MACROD2: variants seen among roughly 807,000 people sequenced by gnomAD.
The protein encoded by MACROD2 is mono-ADP ribosylhydrolase 2.
MACROD2 carries 36 observed loss-of-function variants against 70.4 expected under a neutral mutation model. That is an observed-to-expected ratio of 0.51 (90% CI 0.39 to 0.68). The LOEUF is 0.68. MACROD2 is among the 30% of genes least tolerant of loss of function. The pLI, the probability that MACROD2 is intolerant of heterozygous loss-of-function variation, is 0.00. For synonymous variants in MACROD2, 172 were observed against 178.8 expected, an observed-to-expected ratio of 0.96 and a Z score of 0.30; for missense variants, 496 against 538.4, an observed-to-expected ratio of 0.92 and a Z score of 0.78.
Position 14,750,739 on chromosome 20 carries a change from G to A in MACROD2, c.418+65780G>A, listed in dbSNP as rs561076400. Reference sequence around the variant, plus strand: ...CCTCCCAAATGCTGGGATTACGAGTGTGAGCCACCATGCCTGGCCGTAACC... The same window carrying A: ...CCTCCCAAATGCTGGGATTACGAGTATGAGCCACCATGCCTGGCCGTAACC... On this transcript the variant is annotated intron_variant, in intron 5 of 17. Coordinates refer to ENST00000684519, the MANE Select transcript of MACROD2 (RefSeq NM_001351661.2). Among the ~76,000 whole-genome samples the A allele has an allele frequency of 2.6e-5, 4 of 152,104 alleles. No homozygotes were observed. The East Asian group carries it at 5.8e-4, about 22-fold the overall frequency.
Position 14,516,478 on chromosome 20 carries a change from A to G in MACROD2, c.301+22970A>G, listed in dbSNP as rs540474618. On this transcript the variant is annotated intron_variant, in intron 4 of 17. Transcript: ENST00000684519. The stretch of plus-strand genomic sequence containing the variant: ...TAATCCATCTTGAGTTAATTTTTGT[A>G]TAAGGTGTAAGGAAGAGGTCCAATT... Among the ~76,000 whole-genome samples, 7 of 152,234 alleles carry G rather than the reference A, an allele frequency of 4.6e-5. No homozygotes were observed. The South Asian group carries it at 1.4e-3, about 32-fold the overall frequency.
intron 4 of MACROD2, among the ~76,000 whole-genome samples, chr20:14,670,867 A>T (rs2123559662): frequency 1.3e-5 from 2 of 152,242 alleles, no homozygotes; most frequent in Middle Eastern, 6.8e-3. Context: ...TGGCTGCTGA[A>T]GTCTTACCCC....
chr20:14,840,901 C>A (rs2073080349), intron 5 of MACROD2, among the ~76,000 whole-genome samples: 1 of 151,998 alleles, frequency 6.6e-6, no homozygotes, highest in Non-Finnish European at 1.5e-5. Context: ...ACACTGCACT[C>A]TGAAATAAGT....
At chr20:15,683,252 A>G (rs146242586) in intron 8 of MACROD2, among the ~76,000 whole-genome samples, 16 of 152,344 alleles carry the variant, frequency 1.1e-4, no homozygotes, top group Admixed American at 3.3e-4. Context: ...CACTTACTGT[A>G]TAATGCAATG....
At chr20:15,093,244 G>A (rs2075805100) in intron 5 of MACROD2, among the ~76,000 whole-genome samples, 1 of 151,998 alleles carries the variant, frequency 6.6e-6, no homozygotes, top group Admixed American at 6.6e-5. Flanking sequence ...AGGGTCCCAG[G>A]TATATCTGGA....
intron 5 of MACROD2, among the ~76,000 whole-genome samples, chr20:15,037,665 A>G (rs909655450): frequency 1.3e-5 from 2 of 149,602 alleles, no homozygotes; most frequent in African/African-American, 4.9e-5. Flanking sequence ...TTTACTTTTA[A>G]CTATTTTAAC....
intron 9 of MACROD2, among the ~76,000 whole-genome samples, chr20:15,863,249 A>G (rs918263221): frequency 1.3e-5 from 2 of 152,122 alleles, no homozygotes; most frequent in African/African-American, 4.8e-5. Flanking sequence ...TCAGAATTCA[A>G]ACTTTTCCTG....
At chr20:15,386,321 C>T (rs969922817) in intron 6 of MACROD2, among the ~76,000 whole-genome samples, 4 of 152,142 alleles carry the variant, frequency 2.6e-5, no homozygotes, top group South Asian at 2.1e-4. Flanking sequence ...TATATTCATA[C>T]GTTCTACTCC....
intron 5 of MACROD2, among the ~76,000 whole-genome samples, chr20:14,839,771 T>G (rs1160299467): frequency 1.3e-5 from 2 of 152,186 alleles, no homozygotes; most frequent in South Asian, 4.2e-4. Context: ...CCTCCCCAAC[T>G]TCACCAACAC....
chr20:15,404,325 A>G (rs1169758510), intron 6 of MACROD2, among the ~76,000 whole-genome samples: 1 of 152,170 alleles, frequency 6.6e-6, no homozygotes, highest in Non-Finnish European at 1.5e-5. Context: ...GTTATATTTT[A>G]AGGGAATCTT....
intron 3 of MACROD2, among the ~76,000 whole-genome samples, chr20:14,126,646 A>G (rs1310526643): frequency 6.6e-6 from 1 of 152,182 alleles, no homozygotes; most frequent in Non-Finnish European, 1.5e-5. Flanking sequence ...GTAATATTTA[A>G]AAGTTTTCAT....
At chr20:14,825,867 AT>A (rs1333846933) in intron 5 of MACROD2, among the ~76,000 whole-genome samples, 3 of 152,134 alleles carry the variant, frequency 2.0e-5, no homozygotes, top group African/African-American at 7.2e-5. Context: ...AGGTTTTCGA[AT>A]GGGGATGCCT....
rs545852132 is a variant in MACROD2 at position 15,075,650 on chromosome 20, C to T, written c.419-154290C>T. ...TCTTTCCATTGCAAAAAAATGACTG[C>T]CTTCATTTTCCCAGTTGCCCTGAGT... On this transcript the variant is annotated intron_variant, in intron 5 of 17. Transcript: ENST00000684519. 2.3e-4 allele frequency among the ~76,000 whole-genome samples: 35 copies of T among 152,212 alleles called. 1 individual carries two copies. The highest frequency in any genetic ancestry group is 7.0e-4 in the African/African-American group (29 of 41,542).
At chr20:15,255,182 T>C (rs2077188799) in intron 6 of MACROD2, among the ~76,000 whole-genome samples, 1 of 152,098 alleles carries the variant, frequency 6.6e-6, no homozygotes, top group Admixed American at 6.5e-5. Context: ...ATTAACTCAG[T>C]CATTTATCAT....
chr20:14,435,584 A>G (rs557999906), intron 3 of MACROD2, among the ~76,000 whole-genome samples: 1 of 152,268 alleles, frequency 6.6e-6, no homozygotes, highest in Admixed American at 6.5e-5. Flanking sequence ...ATGCGTCATT[A>G]TAGGTCCTGA....
intron 8 of MACROD2, among the ~76,000 whole-genome samples, chr20:15,534,315 T>C (rs939578073): frequency 5.9e-5 from 9 of 152,198 alleles, no homozygotes; most frequent in African/African-American, 2.2e-4. Flanking sequence ...GTTATGTCTC[T>C]ATGTGCAAAT....
Position 15,806,206 on chromosome 20 carries a change from G to T in MACROD2, c.646-56539G>T, listed in dbSNP as rs189217752. Among the ~76,000 whole-genome samples, 8 of 152,206 alleles carry T rather than the reference G, an allele frequency of 5.3e-5. No individual in the cohort carries two copies. The East Asian group carries it at 1.5e-3, about 29-fold the overall frequency. On this transcript the variant is annotated intron_variant, in intron 8 of 17. Coordinates refer to ENST00000684519, the MANE Select transcript of MACROD2 (RefSeq NM_001351661.2). ...AAAACACGAGCTTTTCTTAACAATA[G>T]ACCTTCTAATGAGTGAGCAGAGCCA...
At chr20:14,960,433 G>A (rs768175239) in intron 5 of MACROD2, among the ~76,000 whole-genome samples, 4 of 152,144 alleles carry the variant, frequency 2.6e-5, no homozygotes, top group Non-Finnish European at 5.9e-5. Context: ...TAATGACTTA[G>A]TATTTTCCAC....
At chr20:15,163,674 G>A (rs941745071) in intron 5 of MACROD2, among the ~76,000 whole-genome samples, 6 of 151,844 alleles carry the variant, frequency 4.0e-5, no homozygotes, top group Non-Finnish European at 5.9e-5. Flanking sequence ...GTTTGAGTAT[G>A]ACCCTCAAAT....
Sources: gnomAD v4.1 joint callset for allele counts (sites outside exome capture counted in the v4.1 genomes callset) on GRCh38, gnomAD v4.1.1 for gene constraint, MANE v1.5 for transcripts, NCBI Gene and HGNC (gene_info 2026-07-23, HGNC 2026-07-21) for gene names.